Variants in MARCHF7 observed in about 807,000 individuals in gnomAD.
MARCHF7 encodes the protein membrane associated ring-CH-type finger 7.
A neutral mutation model predicts 76.5 loss-of-function variants in MARCHF7; 20 were observed. That is an observed-to-expected ratio of 0.26 (90% CI 0.18 to 0.38). The LOEUF (loss-of-function observed/expected upper bound fraction) is 0.38. MARCHF7 is among the 10% of genes least tolerant of loss of function. The probability of loss-of-function intolerance (pLI) is 1.00; values close to 1 mark genes in which losing one functional copy is unlikely to be tolerated. For missense variants in MARCHF7, 797 were observed against 812.9 expected (o/e 0.98, Z 0.24); for synonymous variants, 295 against 293.0 (o/e 1.01, Z -0.07).
intron 3 of MARCHF7, among the ~76,000 whole-genome samples, chr2:159,725,743 T>C (rs1214941227): frequency 1.3e-5 from 2 of 152,216 alleles, no homozygotes; most frequent in Non-Finnish European, 2.9e-5. Flanking sequence ...TCTTTCATAT[T>C]GGAGGCCTTC....
chr2:159,743,974 CTTTTTTTTTTTTT>C (rs1170864400), intron 5 of MARCHF7, among the ~76,000 whole-genome samples: 2 of 60,616 alleles, frequency 3.3e-5, no homozygotes, highest in East Asian at 5.9e-4. Context: ...AGTAGGAGTT[CTTTTTTTTTTTTT>C]TTTTTTTTTT....
At chr2:159,725,875 C>T (rs1458844938) in intron 3 of MARCHF7, among the ~76,000 whole-genome samples, 2 of 152,096 alleles carry the variant, frequency 1.3e-5, no homozygotes, top group African/African-American at 4.8e-5. Flanking sequence ...GGAAGGCTAA[C>T]CTTTAAAGTG....
intron 8 of MARCHF7, among the ~76,000 whole-genome samples, 160 bp downstream of exon 8, chr2:159,752,731 T>C (rs935728497): frequency 6.6e-6 from 1 of 152,344 alleles, no homozygotes; most frequent in East Asian, 1.9e-4. Context: ...TAGTGTTTCT[T>C]TGTAAATTTT....
intron 8 of MARCHF7, among the ~76,000 whole-genome samples, chr2:159,756,465 GCA>G (rs1706306093): frequency 6.6e-6 from 1 of 151,670 alleles, no homozygotes; most frequent in Non-Finnish European, 1.5e-5. Context: ...GGCAGGTGGA[GCA>G]CCTGAGGTCA....
intron 4 of MARCHF7, among the ~76,000 whole-genome samples, chr2:159,741,686 A>G (rs1704143676): frequency 6.6e-6 from 1 of 151,966 alleles, no homozygotes; most frequent in Non-Finnish European, 1.5e-5. Context: ...TTCCATTTTA[A>G]CTCTTTTGTT....
In MARCHF7 at chr2:159,735,925, C is replaced by T. The variant is rs182556570; in HGVS notation, c.153+6750C>T. Among the ~76,000 whole-genome samples, 73 of 152,222 alleles carry T rather than the reference C, an allele frequency of 4.8e-4. 1 individual carries two copies. The East Asian group carries it at 0.013, about 26-fold the overall frequency. ...GCAGGAGTATTTAAGGCCAGGAGTA[C>T]AAGACCAGCCTAGGCAATATAGTGA... is the stretch of plus-strand genomic sequence containing the variant. On this transcript the variant is annotated intron_variant, in intron 4 of 11. Coordinates refer to ENST00000409175, the MANE Select transcript of MARCHF7 (RefSeq NM_001282805.2).
intron 10 of MARCHF7, among the ~76,000 whole-genome samples, chr2:159,764,284 TGGGTCCAAATACAA>T (rs943693548): frequency 6.6e-6 from 1 of 150,982 alleles, no homozygotes; most frequent in Non-Finnish European, 1.5e-5. Flanking sequence ...TGAATTTATT[TGGGTCCAAATACAA>T]GGGTGGTTTT....
At chr2:159,731,141 A>G (rs1702741175) in intron 4 of MARCHF7, among the ~76,000 whole-genome samples, 1 of 151,972 alleles carries the variant, frequency 6.6e-6, no homozygotes, top group South Asian at 2.1e-4. Context: ...CATTCTGCCC[A>G]CCTTCCCTCC....
chr2:159,716,969 C>G (rs1250800663), intron 3 of MARCHF7, among the ~76,000 whole-genome samples: 1 of 152,178 alleles, frequency 6.6e-6, no homozygotes, highest in African/African-American at 2.4e-5. Flanking sequence ...TTGGGCAGTT[C>G]TACTGATTTT....
At chr2:159,750,602 G>A (rs898876981) in intron 7 of MARCHF7, among the ~76,000 whole-genome samples, 2 of 152,170 alleles carry the variant, frequency 1.3e-5, no homozygotes, top group African/African-American at 4.8e-5. Context: ...TCTTTATAGA[G>A]TTGAAGGTTG....
At chr2:159,744,202 A>ATGGTCTCGATCTCC in intron 5 of MARCHF7, among the ~76,000 whole-genome samples, 1 of 151,638 alleles carries the variant, frequency 6.6e-6, no homozygotes, top group East Asian at 1.9e-4. Flanking sequence ...TTTAGCCGGG[A>ATGGTCTCGATCTCC]TGGTCTCGAT....
intron 7 of MARCHF7, among the ~76,000 whole-genome samples, chr2:159,750,210 C>G (rs998336486): frequency 9.2e-5 from 14 of 152,160 alleles, no homozygotes; most frequent in South Asian, 4.1e-4. Context: ...CCAGCCAGTT[C>G]TTTAGATATT....
chr2:159,767,615 C>A lies in MARCHF7; in HGVS notation c.*273C>A. ...TTTAGGTGAGTGGGAAAGTATTACC[C>A]TTGTTTTAAATATCTAAGCAATGCC... On this transcript the variant is annotated 3_prime_UTR_variant, in exon 12 of 12. Transcript: ENST00000409175. The A allele has an allele frequency of 3.7e-6, 1 of 266,984 alleles. No homozygotes were observed. The highest frequency in any genetic ancestry group is 7.0e-6 in the Non-Finnish European group (1 of 142,196). 16.5% of individuals were successfully genotyped at this position (266,984 alleles called of 1,614,324 possible). A position where few individuals can be genotyped will look rare whatever the true frequency, so the allele number is the denominator to read the frequency against.
At chr2:159,749,520 GTAT>G (rs1350080235) in intron 7 of MARCHF7, among the ~76,000 whole-genome samples, 2 of 151,300 alleles carry the variant, frequency 1.3e-5, no homozygotes, top group Non-Finnish European at 2.9e-5. Context: ...GCTAATTTTT[GTAT>G]TTTTAGTAGA....
chr2:159,747,159 A>G (rs1456373019), intron 6 of MARCHF7, among the ~76,000 whole-genome samples: 3 of 152,212 alleles, frequency 2.0e-5, no homozygotes, highest in Non-Finnish European at 4.4e-5. Context: ...AAAAGTGCAG[A>G]TGTCATAGCC....
intron 11 of MARCHF7, 39 bp from the exon 12 acceptor site, chr2:159,767,245 C>T: frequency 6.7e-7 from 1 of 1,497,732 alleles, no homozygotes; most frequent in South Asian, 1.1e-5. Flanking sequence ...TCTTATCCCC[C>T]TTAAAATCAT....
At chr2:159,733,250 T>C in intron 4 of MARCHF7, 3 of 871,556 alleles carry the variant, frequency 3.4e-6, no homozygotes, top group Non-Finnish European at 4.1e-6. Flanking sequence ...TAAAATTATT[T>C]AGTTTTTGAG....
intron 9 of MARCHF7, 75 bp downstream of exon 9, chr2:159,759,410 C>A: frequency 1.5e-6 from 1 of 678,326 alleles, no homozygotes; most frequent in Non-Finnish European, 2.5e-6. Context: ...AAGATTAAAT[C>A]ATGGTCAGAA....
intron 4 of MARCHF7, among the ~76,000 whole-genome samples, chr2:159,732,625 G>A (rs1339940101): frequency 6.6e-6 from 1 of 152,194 alleles, no homozygotes; most frequent in African/African-American, 2.4e-5. Flanking sequence ...CAATCCTCCT[G>A]CCTCAGCCTC....
Sources: gnomAD v4.1 joint callset for allele counts (sites outside exome capture counted in the v4.1 genomes callset) on GRCh38, gnomAD v4.1.1 for gene constraint, MANE v1.5 for transcripts, NCBI Gene and HGNC (gene_info 2026-07-23, HGNC 2026-07-21) for gene names.